The following PDCD6IP variants were observed in gnomAD, a reference collection of about 807,000 sequenced individuals.
The protein encoded by PDCD6IP is programmed cell death 6-interacting protein.
PDCD6IP carries 43 observed loss-of-function variants against 103.7 expected under a neutral mutation model. That is an observed-to-expected ratio of 0.41 (90% CI 0.32 to 0.53). The LOEUF is 0.53. PDCD6IP is among the 20% of genes least tolerant of loss of function. The probability of loss-of-function intolerance (pLI) is 0.16; values close to 1 mark genes in which losing one functional copy is unlikely to be tolerated. For missense variants in PDCD6IP, 871 were observed against 1,036.7 expected, an observed-to-expected ratio of 0.84 and a Z score of 2.20; for synonymous variants, 354 against 378.7, an observed-to-expected ratio of 0.93 and a Z score of 0.76.
At chr3:33,860,587 T>G (rs9838046) in intron 15 of PDCD6IP, among the ~76,000 whole-genome samples, 44,478 of 151,986 alleles carry the variant, frequency 0.29, 6,741 homozygotes, top group East Asian at 0.41. Flanking sequence ...TCCTAACTTG[T>G]AAGAACATAG....
chr3:33,811,100 G>T (rs919429762), intron 1 of PDCD6IP: 12 of 434,594 alleles, frequency 2.8e-5, no homozygotes, highest in Non-Finnish European at 4.6e-5. Context: ...TTCCTAGGCT[G>T]GTCTCGAACT....
chr3:33,825,097 G>T, intron 4 of PDCD6IP, 90 bp from the exon 5 acceptor site: 1 of 1,090,014 alleles, frequency 9.2e-7, no homozygotes, highest in South Asian at 1.4e-5. Flanking sequence ...ACTGTTCACT[G>T]AGTTAACATT....
chr3:33,826,671 G>T, intron 6 of PDCD6IP, 91 bp downstream of exon 6: 1 of 1,510,928 alleles, frequency 6.6e-7, no homozygotes, highest in Non-Finnish European at 8.9e-7. Flanking sequence ...AACTTATAAA[G>T]AAATTTGAAG....
chr3:33,808,835 G>A (rs1399342544), intron 1 of PDCD6IP, among the ~76,000 whole-genome samples: 1 of 152,090 alleles, frequency 6.6e-6, no homozygotes, highest in East Asian at 1.9e-4. Flanking sequence ...TTGCACTCAA[G>A]GCATCATTAC....
At chr3:33,831,475 G>A (rs1697243997) in intron 7 of PDCD6IP, among the ~76,000 whole-genome samples, 2 of 152,048 alleles carry the variant, frequency 1.3e-5, no homozygotes, top group Non-Finnish European at 2.9e-5. Context: ...ATGTAGTTCT[G>A]CAATAAAAGA....
At chr3:33,859,605 A>AT (rs1367781195) in intron 15 of PDCD6IP, among the ~76,000 whole-genome samples, 1 of 152,240 alleles carries the variant, frequency 6.6e-6, no homozygotes, top group Non-Finnish European at 1.5e-5. Flanking sequence ...CTCATTCATT[A>AT]TAAAATACAA....
At chr3:33,826,726 T>G (rs1458302648) in intron 6 of PDCD6IP, 146 bp downstream of exon 6, 1 of 1,387,740 alleles carries the variant, frequency 7.2e-7, no homozygotes, top group South Asian at 1.6e-5. Flanking sequence ...TAGTTTTTTT[T>G]TTTTTTTAAT....
At chr3:33,805,703 G>T (rs1696580582) in intron 1 of PDCD6IP, among the ~76,000 whole-genome samples, 1 of 148,640 alleles carries the variant, frequency 6.7e-6, no homozygotes, top group African/African-American at 2.5e-5. Flanking sequence ...ACAGGTGTGA[G>T]CCACCATACC....
intron 7 of PDCD6IP, among the ~76,000 whole-genome samples, chr3:33,830,877 A>G (rs1697229642): frequency 6.6e-6 from 1 of 152,216 alleles, no homozygotes; most frequent in South Asian, 2.1e-4. Flanking sequence ...CTCACTTAGT[A>G]GAGAATAATA....
At chr3:33,821,188 T>G (rs1005738158) in intron 3 of PDCD6IP, among the ~76,000 whole-genome samples, 55 of 151,524 alleles carry the variant, frequency 3.6e-4, no homozygotes, top group African/African-American at 7.5e-4. Context: ...TTTTTTTTTT[T>G]TTGTTGAGAT....
chr3:33,801,684 G>A (rs1223943456), intron 1 of PDCD6IP, among the ~76,000 whole-genome samples: 2 of 152,140 alleles, frequency 1.3e-5, no homozygotes, highest in African/African-American at 4.8e-5. Flanking sequence ...CCTTTATAAA[G>A]TGGCTTTTAC....
At chr3:33,822,269 A>G (rs1473287035) in intron 4 of PDCD6IP, among the ~76,000 whole-genome samples, 187 bp downstream of exon 4, 1 of 152,234 alleles carries the variant, frequency 6.6e-6, no homozygotes, top group Admixed American at 6.5e-5. Context: ...CAGGTCTGTT[A>G]TTCCTCATTG....
chr3:33,852,883 T>A, intron 13 of PDCD6IP, 147 bp downstream of exon 13: 1 of 1,021,920 alleles, frequency 9.8e-7, no homozygotes, highest in Non-Finnish European at 1.3e-6. Context: ...TTTGTAAAAT[T>A]AAACTTGGCA....
intron 12 of PDCD6IP, among the ~76,000 whole-genome samples, chr3:33,849,868 A>T (rs1697675253): frequency 6.6e-6 from 1 of 152,176 alleles, no homozygotes; most frequent in African/African-American, 2.4e-5. Context: ...AATATAAGGG[A>T]TCTCTATCTT....
intron 4 of PDCD6IP, among the ~76,000 whole-genome samples, chr3:33,822,961 G>T (rs1053827966): frequency 1.3e-5 from 2 of 152,056 alleles, no homozygotes; most frequent in South Asian, 2.1e-4. Context: ...CCGGCCAGCA[G>T]TTGTTTATTA....
Position 33,831,277 on chromosome 3 carries a change from G to T in PDCD6IP, c.834+2308G>T, listed in dbSNP as rs138747382. ...CAGATATAAAAACATGACTCACATA[G>T]AATGACTACATGTCAAAGATTTATT... is the stretch of plus-strand genomic sequence containing the variant. On this transcript the variant is annotated intron_variant, in intron 7 of 17. Coordinates refer to ENST00000307296, the MANE Select transcript of PDCD6IP (RefSeq NM_013374.6). Among the ~76,000 whole-genome samples the T allele has an allele frequency of 1.2e-3, 178 of 151,368 alleles. 1 individual carries two copies. The Middle Eastern group carries it at 0.014, about 12-fold the overall frequency.
rs766026264 is a variant in PDCD6IP at position 33,865,397 on chromosome 3, G to A, written c.2399G>A (p.Gly800Glu). 6.3e-7 allele frequency: 1 copy of A among 1,598,894 alleles called. No homozygotes were observed. The highest frequency in any genetic ancestry group is 8.5e-7 in the Non-Finnish European group (1 of 1,173,520). The stretch of plus-strand genomic sequence containing the variant: ...TCAGCTCCTCCTCCACAGGCGCAGG[G>A]ACCACCCTATCCCACCTATCCAGGA... ...PGSAPPPQAQGPPYPTYPGYP... is the reference protein window; with the variant it reads ...PGSAPPPQAQEPPYPTYPGYP... The change falls in exon 17 of 18, where the codon GGA (glycine) becomes GAA (glutamate). Residue 800 changes from glycine to glutamate, a missense_variant. Physicochemically the swap from Gly to Glu is moderately conservative, Grantham distance 98. This residue lies in a region of PDCD6IP where 202 missense variants were observed against 205.2 expected (regional missense o/e 0.98). Coordinates refer to ENST00000307296, the MANE Select transcript of PDCD6IP (RefSeq NM_013374.6).
intron 15 of PDCD6IP, among the ~76,000 whole-genome samples, chr3:33,857,685 A>G (rs1288858456): frequency 6.6e-6 from 1 of 152,240 alleles, no homozygotes; most frequent in East Asian, 1.9e-4. Flanking sequence ...AGGAAAGATC[A>G]CAGGTTTGTC....
chr3:33,835,471 C>T (rs1291557944), intron 7 of PDCD6IP, among the ~76,000 whole-genome samples: 1 of 152,210 alleles, frequency 6.6e-6, no homozygotes, highest in Non-Finnish European at 1.5e-5. Flanking sequence ...AATCCCAGCA[C>T]TTTGGGAAGC....
Sources: allele counts gnomAD v4.1 joint callset (sites outside exome capture counted in the v4.1 genomes callset), GRCh38; gene constraint gnomAD v4.1.1; regional missense constraint gnomAD v4.1.1; transcripts MANE v1.5; gene names NCBI Gene and HGNC (gene_info 2026-07-23, HGNC 2026-07-21).